IYD: variants seen among roughly 807,000 people sequenced by gnomAD.
The protein encoded by IYD is iodotyrosine deiodinase.
IYD carries 25 observed loss-of-function variants against 28.4 expected under a neutral mutation model. The ratio of observed to expected loss-of-function variants is 0.88; its 90% CI spans 0.64 to 1.23. The LOEUF (loss-of-function observed/expected upper bound fraction) is 1.23, where lower values mean the gene tolerates loss of function less well. IYD is among the 50% of genes most tolerant of loss of function. The pLI is 0.00. For synonymous variants in IYD, 140 were observed against 130.8 expected (o/e 1.07, Z -0.48); for missense variants, 352 against 357.9 (o/e 0.98, Z 0.13).
intron 1 of IYD, among the ~76,000 whole-genome samples, chr6:150,375,012 C>T (rs1316813382): frequency 6.6e-6 from 1 of 152,168 alleles, no homozygotes; most frequent in African/African-American, 2.4e-5. Context: ...AAGCACTTCC[C>T]TATTCAAGGT....
At chr6:150,370,005 G>T in intron 1 of IYD, 1 of 701,972 alleles carries the variant, frequency 1.4e-6, no homozygotes, top group East Asian at 2.7e-5. Flanking sequence ...AGGTGATGAA[G>T]GAGGCAGGTA....
At chr6:150,380,666 G>T (rs956010435) in intron 1 of IYD, among the ~76,000 whole-genome samples, 11 of 152,146 alleles carry the variant, frequency 7.2e-5, no homozygotes, top group African/African-American at 2.4e-4. Flanking sequence ...TGGCTCTGAG[G>T]TTCATGCCCA....
chr6:150,388,932 C>A (rs1778004374), intron 1 of IYD, among the ~76,000 whole-genome samples: 1 of 152,102 alleles, frequency 6.6e-6, no homozygotes, highest in African/African-American at 2.4e-5. Context: ...GAACTCCCAA[C>A]CTCAAGTGAT....
chr6:150,369,583 A>G (rs1286514467), intron 1 of IYD, among the ~76,000 whole-genome samples: 1 of 152,208 alleles, frequency 6.6e-6, no homozygotes, highest in Non-Finnish European at 1.5e-5. Flanking sequence ...ACCAAGTGGC[A>G]TCACCTAGGA....
intron 1 of IYD, among the ~76,000 whole-genome samples, chr6:150,388,147 G>T (rs1345359262): frequency 6.6e-6 from 1 of 152,194 alleles, no homozygotes; most frequent in East Asian, 1.9e-4. Context: ...GGCAGGACAA[G>T]TTTATTCCAA....
rs982615108 is a variant in IYD, at chr6:150,401,719, C to G, written c.*3482C>G. ...GTGGTCGGGGAGGCTTATAGATCCTCTTGCTGTTCTGAGGCCTTAAAACCA... is the reference window on the plus strand; with the variant it reads ...GTGGTCGGGGAGGCTTATAGATCCTGTTGCTGTTCTGAGGCCTTAAAACCA... On this transcript the variant is annotated 3_prime_UTR_variant, in exon 5 of 5. Transcript: ENST00000344419. The G allele has an allele frequency of 3.9e-5, 6 of 152,178 alleles. No individual in the cohort carries two copies. Among genetic ancestry groups the G allele is most frequent in the Non-Finnish European group, 8.8e-5 (6 of 68,046 alleles). The allele number at this position is 152,178 out of a possible 1,614,324, so 9.4% of individuals were successfully genotyped here.
intron 1 of IYD, among the ~76,000 whole-genome samples, chr6:150,374,820 C>T (rs1262578432): frequency 1.3e-5 from 2 of 152,156 alleles, no homozygotes; most frequent in Non-Finnish European, 2.9e-5. Flanking sequence ...TGCTCCTTTC[C>T]TCTGGGTGGG....
At chr6:150,379,765 T>G (rs888521892) in intron 1 of IYD, among the ~76,000 whole-genome samples, 1 of 152,138 alleles carries the variant, frequency 6.6e-6, no homozygotes, top group African/African-American at 2.4e-5. Flanking sequence ...TGTTCTCAGG[T>G]CCCATTCAAT....
In IYD at chr6:150,400,285, G is replaced by A. The variant is rs1350690605; in HGVS notation, c.*2048G>A. On this transcript the variant is annotated 3_prime_UTR_variant, in exon 5 of 5. Coordinates refer to ENST00000344419, the MANE Select transcript of IYD (RefSeq NM_203395.3). ...CCAGGTTATTTACTTCTGAAGCATT[G>A]GAGTTATCGATTGCCATTGCCCCAT... The A allele has an allele frequency of 1.3e-5, 2 of 152,174 alleles. No individual in the cohort carries two copies. Among genetic ancestry groups the A allele is most frequent in the Non-Finnish European group, 2.9e-5 (2 of 68,038 alleles). 9.4% of individuals were successfully genotyped at this position (152,174 alleles called of 1,614,324 possible).
In IYD at chr6:150,395,487, T is replaced by C. The variant is rs1219444051; in HGVS notation, c.687+1232T>C. ...ATGGAATCACCATGCGGCATCAGACTGCGAGGCACCGCCACCTGATTGAGG... is the reference window on the plus strand; with the variant it reads ...ATGGAATCACCATGCGGCATCAGACCGCGAGGCACCGCCACCTGATTGAGG... On this transcript the variant is annotated intron_variant, in intron 4 of 4. Transcript: ENST00000344419. The C allele has an allele frequency of 4.6e-6, 7 of 1,537,144 alleles. No individual in the cohort carries two copies. In the Admixed American group the frequency reaches 1.4e-4, roughly 30 times the overall value.
At chr6:150,392,571 A>T in intron 3 of IYD, 67 bp downstream of exon 3, 1 of 1,493,604 alleles carries the variant, frequency 6.7e-7, no homozygotes, top group Admixed American at 1.7e-5. Context: ...CACCACCACC[A>T]TGTCCTGGCT....
At chr6:150,396,318 G>T in intron 4 of IYD, 1 of 438,540 alleles carries the variant, frequency 2.3e-6, no homozygotes, top group South Asian at 5.4e-5. Context: ...TGGCCCTTTG[G>T]GGGTCTGAGG....
intron 1 of IYD, among the ~76,000 whole-genome samples, chr6:150,380,178 A>T (rs1350328915): frequency 6.6e-5 from 10 of 152,172 alleles, no homozygotes; most frequent in African/African-American, 2.4e-4. Context: ...AACTTTACCA[A>T]ATGTAATTTG....
At chr6:150,378,644 G>C (rs1253720797) in intron 1 of IYD, among the ~76,000 whole-genome samples, 11 of 152,164 alleles carry the variant, frequency 7.2e-5, no homozygotes, top group Non-Finnish European at 2.9e-5. Flanking sequence ...GGAAACAACA[G>C]GTGCTGGAGA....
chr6:150,394,119 A>G lies in IYD; in HGVS notation c.551A>G (p.Tyr184Cys), dbSNP rs757692616. Residue 184 changes from tyrosine to cysteine, a missense_variant, in exon 4 of 5, where the codon TAC becomes TGC. Transcript: ENST00000344419. The stretch of plus-strand genomic sequence containing the variant: ...CACAGAACCAACTGGATTAAAGAGT[A>G]CTTGGATACTGCCCCTATTTTGATT... ...KKLRTNWIKE[Y>C]LDTAPILILI... The G allele has an allele frequency of 6.2e-7, 1 of 1,614,216 alleles. No homozygotes were observed. The highest frequency in any genetic ancestry group is 8.5e-7 in the Non-Finnish European group (1 of 1,180,010).
chr6:150,369,609 C>T (rs1362947035), intron 1 of IYD, among the ~76,000 whole-genome samples: 1 of 152,166 alleles, frequency 6.6e-6, no homozygotes, highest in African/African-American at 2.4e-5. Flanking sequence ...CTACCTTTCC[C>T]TGTGCCAGGC....
Position 150,401,342 on chromosome 6 carries a change from A to C in IYD, c.*3105A>C, listed in dbSNP as rs990763034. On this transcript the variant is annotated 3_prime_UTR_variant, in exon 5 of 5. Transcript: ENST00000344419. ...GAATGGAAATGAGAATCGGAGGAGAAATAAGGCCAGAGGCTCACATTGCTT... is the reference window on the plus strand; with the variant it reads ...GAATGGAAATGAGAATCGGAGGAGACATAAGGCCAGAGGCTCACATTGCTT... 6.6e-6 allele frequency: 1 copy of C among 152,168 alleles called. No homozygotes were observed. Among genetic ancestry groups the C allele is most frequent in the Admixed American group, 6.5e-5 (1 of 15,276 alleles). The allele number at this position is 152,168 out of a possible 1,614,324, so 9.4% of individuals were successfully genotyped here.
At chr6:150,384,964 T>G (rs564371315) in intron 1 of IYD, 1 of 152,310 alleles carries the variant, frequency 6.6e-6, no homozygotes, top group East Asian at 1.9e-4. Context: ...CTCCTCAGTT[T>G]TGGCATTTTT....
At chr6:150,391,854 G>A (rs953328008) in intron 2 of IYD, among the ~76,000 whole-genome samples, 3 of 151,364 alleles carry the variant, frequency 2.0e-5, no homozygotes, top group East Asian at 1.9e-4. Flanking sequence ...GATTACAGGC[G>A]CCCACCACCA....
Sources: allele counts gnomAD v4.1 joint callset (sites outside exome capture counted in the v4.1 genomes callset), GRCh38; gene constraint gnomAD v4.1.1; transcripts MANE v1.5; gene names NCBI Gene and HGNC (gene_info 2026-07-23, HGNC 2026-07-21).